KCNQ5: variants seen among roughly 807,000 people sequenced by gnomAD.
KCNQ5 encodes potassium voltage-gated channel subfamily KQT member 5.
In KCNQ5, 30 loss-of-function variants were observed where a neutral mutation model predicts 98.2. The observed-to-expected ratio is 0.31, with a 90% CI of 0.23 to 0.41. The LOEUF (loss-of-function observed/expected upper bound fraction) is 0.41, where lower values mean the gene tolerates loss of function less well. Ranked by LOEUF, KCNQ5 falls within the 10% of genes least tolerant of loss-of-function variation. The pLI, the probability that KCNQ5 is intolerant of heterozygous loss-of-function variation, is 1.00. For missense variants in KCNQ5, 835 were observed against 1,182.5 expected (o/e 0.71, Z 4.31); for synonymous variants, 458 against 449.4 (o/e 1.02, Z -0.24).
intron 2 of KCNQ5, among the ~76,000 whole-genome samples, chr6:73,010,444 G>T: frequency 6.6e-6 from 1 of 151,914 alleles, no homozygotes; most frequent in East Asian, 1.9e-4. Flanking sequence ...TTTCCTCTAA[G>T]ATCAGGAAGA....
intron 3 of KCNQ5, among the ~76,000 whole-genome samples, chr6:73,064,368 G>A (rs534938202): frequency 4.3e-4 from 66 of 152,240 alleles, no homozygotes; most frequent in African/African-American, 1.2e-3. Context: ...GTTTTGCTCT[G>A]TAAATTTAAA....
chr6:72,851,808 A>G (rs979063940), intron 1 of KCNQ5, among the ~76,000 whole-genome samples: 2 of 152,128 alleles, frequency 1.3e-5, no homozygotes, highest in Non-Finnish European at 2.9e-5. Flanking sequence ...GTAAAATTTT[A>G]TTTTACAGAG....
intron 1 of KCNQ5, among the ~76,000 whole-genome samples, chr6:72,674,583 A>G: frequency 6.6e-6 from 1 of 152,174 alleles, no homozygotes; most frequent in East Asian, 1.9e-4. Flanking sequence ...CAGCCTGGCC[A>G]ACGTGGTGAA....
intron 1 of KCNQ5, among the ~76,000 whole-genome samples, chr6:72,954,110 T>A (rs1766933000): frequency 6.6e-6 from 1 of 152,206 alleles, no homozygotes; most frequent in Non-Finnish European, 1.5e-5. Context: ...AATATGTCTA[T>A]GTCTTTGAGT....
chr6:72,747,954 C>G (rs545133243), intron 1 of KCNQ5, among the ~76,000 whole-genome samples: 31 of 152,232 alleles, frequency 2.0e-4, no homozygotes, highest in African/African-American at 7.2e-4. Context: ...TTCAGTGGGA[C>G]TTTCATTTCA....
chr6:73,079,904 T>A (rs1225722197), intron 5 of KCNQ5, among the ~76,000 whole-genome samples: 1 of 152,216 alleles, frequency 6.6e-6, no homozygotes, highest in East Asian at 1.9e-4. Flanking sequence ...TTCAAAGCAA[T>A]GGTTTGAATT....
chr6:72,662,869 C>A (rs767472552), intron 1 of KCNQ5, among the ~76,000 whole-genome samples: 1 of 152,132 alleles, frequency 6.6e-6, no homozygotes, highest in Non-Finnish European at 1.5e-5. Flanking sequence ...AATAAATAAA[C>A]CGCATTTATT....
intron 1 of KCNQ5, among the ~76,000 whole-genome samples, chr6:72,781,374 ATTTGTTGTC>A: frequency 6.6e-6 from 1 of 152,280 alleles, no homozygotes. Context: ...GAGAGAATAG[ATTTGTTGTC>A]TTAAGCCACC....
At chr6:72,718,914 G>A (rs545747641) in intron 1 of KCNQ5, among the ~76,000 whole-genome samples, 24 of 152,178 alleles carry the variant, frequency 1.6e-4, no homozygotes, top group African/African-American at 5.8e-4. Flanking sequence ...TGTAAAGATA[G>A]TTTAATTTTG....
intron 1 of KCNQ5, among the ~76,000 whole-genome samples, chr6:72,899,402 T>C (rs1287315791): frequency 6.6e-6 from 1 of 152,172 alleles, no homozygotes; most frequent in Non-Finnish European, 1.5e-5. Flanking sequence ...TCTCAGATCG[T>C]TTACTAATGA....
At chr6:73,035,926 A>G (rs902508667) in intron 2 of KCNQ5, among the ~76,000 whole-genome samples, 1 of 151,874 alleles carries the variant, frequency 6.6e-6, no homozygotes, top group Non-Finnish European at 1.5e-5. Flanking sequence ...AACCAGGATA[A>G]TAATATTGAT....
chr6:73,184,477 C>T (rs749102565), intron 11 of KCNQ5, among the ~76,000 whole-genome samples: 15 of 152,180 alleles, frequency 9.9e-5, no homozygotes, highest in Admixed American at 8.5e-4. Context: ...CAAGAGTCTG[C>T]CTTGTCACAG....
chr6:73,063,706 A>AGAT (rs879444053), intron 3 of KCNQ5, among the ~76,000 whole-genome samples: 129 of 124,218 alleles, frequency 1.0e-3, no homozygotes, highest in Middle Eastern at 3.8e-3. Flanking sequence ...ATAGATAGAT[A>AGAT]GATAGATAGA....
intron 1 of KCNQ5, among the ~76,000 whole-genome samples, chr6:72,869,343 C>T (rs910966842): frequency 2.6e-5 from 4 of 151,980 alleles, no homozygotes; most frequent in African/African-American, 7.3e-5. Context: ...ACACTACAGG[C>T]GAGGGTCATT....
chr6:72,719,027 ATTTC>A (rs1389908945), intron 1 of KCNQ5, among the ~76,000 whole-genome samples: 16 of 152,174 alleles, frequency 1.1e-4, no homozygotes, highest in African/African-American at 3.6e-4. Flanking sequence ...GCATTTATTT[ATTTC>A]TTCATTCAAT....
intron 1 of KCNQ5, among the ~76,000 whole-genome samples, chr6:72,830,345 T>C (rs1457009030): frequency 6.6e-6 from 1 of 152,166 alleles, no homozygotes; most frequent in African/African-American, 2.4e-5. Flanking sequence ...ACTACAAGGC[T>C]ACAGTAACCA....
chr6:72,883,689 A>T lies in KCNQ5; in HGVS notation c.399-120219A>T, dbSNP rs191640889. Among the ~76,000 whole-genome samples, 59 of 152,280 alleles carry T rather than the reference A, an allele frequency of 3.9e-4. No homozygotes were observed. In the East Asian group the frequency reaches 0.011, roughly 29 times the overall value. On this transcript the variant is annotated intron_variant, in intron 1 of 13. Coordinates refer to ENST00000370398, the MANE Select transcript of KCNQ5 (RefSeq NM_019842.4). ...GGGGTGCAGAAGAACTGAACAGAAA[A>T]GTTCCCATTGCTACCTGCCGGAAAA...
At chr6:72,866,769 T>A (rs1340318012) in intron 1 of KCNQ5, among the ~76,000 whole-genome samples, 1 of 152,242 alleles carries the variant, frequency 6.6e-6, no homozygotes, top group Non-Finnish European at 1.5e-5. Context: ...GAATTTAGAC[T>A]GTGACCTAAT....
chr6:73,022,073 A>G (rs1220743320), intron 2 of KCNQ5, among the ~76,000 whole-genome samples: 1 of 152,220 alleles, frequency 6.6e-6, no homozygotes, highest in Non-Finnish European at 1.5e-5. Context: ...TTAAAAATGC[A>G]TAAGATCATG....
Sources: allele counts gnomAD v4.1 joint callset (sites outside exome capture counted in the v4.1 genomes callset), GRCh38; gene constraint gnomAD v4.1.1; transcripts MANE v1.5; gene names NCBI Gene and HGNC (gene_info 2026-07-23, HGNC 2026-07-21).